SANBR: variants seen among roughly 807,000 people sequenced by gnomAD.
SANBR encodes SANT and BTB domain regulator of CSR.
Under a neutral mutation model 101.8 loss-of-function variants are expected in SANBR, and 77 were observed. The ratio of observed to expected loss-of-function variants is 0.76; its 90% CI spans 0.63 to 0.91. SANBR has a LOEUF of 0.91. Ranked by LOEUF, SANBR falls within the 40% of genes least tolerant of loss-of-function variation. SANBR has a pLI of 0.00. For missense variants in SANBR, 875 were observed against 853.0 expected (o/e 1.03, Z -0.32); for synonymous variants, 279 against 274.7 (o/e 1.02, Z -0.15).
intron 19 of SANBR, 40 bp from the exon 20 acceptor site, chr2:61,117,988 T>C (rs1684155269): frequency 1.4e-6 from 2 of 1,461,212 alleles, no homozygotes; most frequent in African/African-American, 2.8e-5. Context: ...TTATATATCA[T>C]CCTTATGAAA....
intron 20 of SANBR, among the ~76,000 whole-genome samples, chr2:61,133,022 C>T (rs767418055): frequency 1.3e-5 from 2 of 150,998 alleles, no homozygotes; most frequent in Non-Finnish European, 3.0e-5. Context: ...GAGGCCAAGG[C>T]GGGTGGATCA....
chr2:61,103,469 C>G (rs1445460263), intron 12 of SANBR, among the ~76,000 whole-genome samples: 1 of 152,088 alleles, frequency 6.6e-6, no homozygotes, highest in Non-Finnish European at 1.5e-5. Context: ...ACAAGTGAGA[C>G]TAAACTATAG....
chr2:61,076,337 G>T (rs534893620), intron 5 of SANBR, among the ~76,000 whole-genome samples: 7 of 149,934 alleles, frequency 4.7e-5, no homozygotes, highest in South Asian at 4.2e-4. Context: ...AAATTTCAAG[G>T]CTGGGCGCGG....
chr2:61,087,927 G>A lies in SANBR; in HGVS notation c.891-232G>A, dbSNP rs75254021. Among the ~76,000 whole-genome samples the A allele has an allele frequency of 5.1e-4, 77 of 151,672 alleles. No homozygotes were observed. Among genetic ancestry groups the A allele is most frequent in the African/African-American group, 1.8e-3 (76 of 41,416 alleles). Reference sequence around the variant, plus strand: ...GCTATTTATCAATCTTATTTTTTATGGGAAAATAGATGATTGATCAAGCAG... The same window carrying A: ...GCTATTTATCAATCTTATTTTTTATAGGAAAATAGATGATTGATCAAGCAG... On this transcript the variant is annotated intron_variant, in intron 8 of 21. Transcript: ENST00000402291.
At chr2:61,070,691 A>ATTTATATATAAT (rs2104841615) in intron 3 of SANBR, among the ~76,000 whole-genome samples, 191 bp downstream of exon 3, 1 of 142,686 alleles carries the variant, frequency 7.0e-6, no homozygotes, top group South Asian at 2.1e-4. Context: ...ATAGTATATA[A>ATTTATATATAAT]ATTTTATATA....
At chr2:61,128,736 C>A (rs750365955), downstream of SANBR, among the ~76,000 whole-genome samples, 1 of 152,086 alleles carries the variant, frequency 6.6e-6, no homozygotes, top group Admixed American at 6.6e-5. Context: ...TCAGGTGATC[C>A]GTCTGCCTCG....
intron 11 of SANBR, among the ~76,000 whole-genome samples, chr2:61,094,409 C>T (rs374832779): frequency 2.0e-5 from 3 of 152,198 alleles, no homozygotes; most frequent in South Asian, 2.1e-4. Flanking sequence ...TCCTTCACTT[C>T]GAATAATGGA....
rs767353319 is a variant in SANBR, at chr2:61,083,278, T to G, written c.854T>G (p.Val285Gly). Residue 285 changes from valine to glycine, a missense_variant, in exon 8 of 22, where the codon GTT becomes GGT. Physicochemically the swap from Val to Gly is moderately radical, Grantham distance 109. Transcript: ENST00000402291. ...RIADLFSHNE[V>G]DDLKDKKDKF... ...GCTGATCTGTTCTCACACAATGAAG[T>G]TGATGATTTAAAGGACAAAAAAGAT... is the stretch of plus-strand genomic sequence containing the variant. 2.5e-6 allele frequency: 4 copies of G among 1,609,362 alleles called. No individual in the cohort carries two copies. The highest frequency in any genetic ancestry group is 2.2e-5 in the East Asian group (1 of 44,792).
chr2:61,077,758 A>G (rs1441284880), intron 6 of SANBR, among the ~76,000 whole-genome samples: 1 of 152,216 alleles, frequency 6.6e-6, no homozygotes, highest in South Asian at 2.1e-4. Flanking sequence ...TCTTGAGGAA[A>G]AGCACTTGTG....
In SANBR at chr2:61,123,464, T is replaced by C. The variant is rs1056888250; in HGVS notation, c.*1302T>C. 17 of 981,464 alleles carry C rather than the reference T, an allele frequency of 1.7e-5. No individual in the cohort carries two copies. The Admixed American group carries it at 1.8e-4, about 11-fold the overall frequency. The allele number at this position is 981,464 out of a possible 1,614,324, so 60.8% of individuals were successfully genotyped here. A position where few individuals can be genotyped will look rare whatever the true frequency, so the allele number is the denominator to read the frequency against. ...TTGCCAAGGTTTTTGAACTGCTGTTTAGAAATTTTGTTCCCATTTATATTT... is the reference window on the plus strand; with the variant it reads ...TTGCCAAGGTTTTTGAACTGCTGTTCAGAAATTTTGTTCCCATTTATATTT... On this transcript the variant is annotated 3_prime_UTR_variant, in exon 22 of 22. Coordinates refer to ENST00000402291, the MANE Select transcript of SANBR (RefSeq NM_001129993.3).
chr2:61,090,405 C>T (rs549290349), intron 10 of SANBR: 1 of 151,700 alleles, frequency 6.6e-6, no homozygotes, highest in African/African-American at 2.4e-5. Flanking sequence ...CTTCAACATC[C>T]ATTTTTGTTG....
At chr2:61,107,024 A>G (rs1202200695) in intron 14 of SANBR, among the ~76,000 whole-genome samples, 3 of 151,966 alleles carry the variant, frequency 2.0e-5, no homozygotes, top group Non-Finnish European at 4.4e-5. Flanking sequence ...AAACTTAGCC[A>G]AGTGTGGTGC....
In SANBR at chr2:61,065,911, G is replaced by C. The variant is rs2104828566; in HGVS notation, c.-263G>C. On this transcript the variant is annotated 5_prime_UTR_variant, in exon 1 of 22. Coordinates refer to ENST00000402291, the MANE Select transcript of SANBR (RefSeq NM_001129993.3). ...CTGCAAGCGGGCGGGGGCGGGGTGT[G>C]AGGCGCTGCGGACGGGGTTGCGGGC... 6.6e-6 allele frequency: 1 copy of C among 152,250 alleles called. No individual in the cohort carries two copies. The highest frequency in any genetic ancestry group is 1.9e-4 in the East Asian group (1 of 5,214). The allele number at this position is 152,250 out of a possible 1,614,324, so 9.4% of individuals were successfully genotyped here.
intron 1 of SANBR, among the ~76,000 whole-genome samples, chr2:61,066,676 C>T (rs903630854): frequency 3.3e-5 from 5 of 152,334 alleles, no homozygotes; most frequent in African/African-American, 1.2e-4. Flanking sequence ...TCCCATCTTT[C>T]CACTGGCTAA....
chr2:61,069,605 A>G (rs1044261406), intron 2 of SANBR: 4 of 152,332 alleles, frequency 2.6e-5, no homozygotes, highest in Non-Finnish European at 4.4e-5. Flanking sequence ...TAACTAGTCA[A>G]AACTTTTGTC....
chr2:61,088,041 C>T (rs1682535967), intron 8 of SANBR, 118 bp from the exon 9 acceptor site: 1 of 555,480 alleles, frequency 1.8e-6, no homozygotes, highest in Non-Finnish European at 3.2e-6. Flanking sequence ...TATAAACTCC[C>T]AAGAGAGCCA....
chr2:61,115,071 ATGAG>A (rs1684009750), intron 16 of SANBR, among the ~76,000 whole-genome samples: 2 of 152,320 alleles, frequency 1.3e-5, no homozygotes, highest in Admixed American at 1.3e-4. Flanking sequence ...ACATTAGAAA[ATGAG>A]TGACATCACC....
chr2:61,102,899 C>T (rs1454575650), intron 12 of SANBR, among the ~76,000 whole-genome samples: 1 of 151,912 alleles, frequency 6.6e-6, no homozygotes, highest in Non-Finnish European at 1.5e-5. Context: ...AACAGGAATC[C>T]TCATATACTG....
chr2:61,127,570 C>G (rs1022077663), downstream of SANBR, among the ~76,000 whole-genome samples: 23 of 152,172 alleles, frequency 1.5e-4, no homozygotes, highest in African/African-American at 5.6e-4. Context: ...GGGGAAGATG[C>G]TATGGAATTA....
Sources: allele counts gnomAD v4.1 joint callset (sites outside exome capture counted in the v4.1 genomes callset), GRCh38; gene constraint gnomAD v4.1.1; transcripts MANE v1.5; gene names NCBI Gene and HGNC (gene_info 2026-07-23, HGNC 2026-07-21).